SH3GL2: variants seen among roughly 807,000 people sequenced by gnomAD.
SH3GL2 encodes endophilin-A1.
A neutral mutation model predicts 46.0 loss-of-function variants in SH3GL2; 24 were observed. That is an observed-to-expected ratio of 0.52 (90% CI 0.38 to 0.73). The LOEUF (loss-of-function observed/expected upper bound fraction) is 0.73, where lower values mean the gene tolerates loss of function less well. Ranked by LOEUF, SH3GL2 falls within the 30% of genes least tolerant of loss-of-function variation. The pLI is 0.00. For missense variants in SH3GL2, 413 were observed against 424.2 expected, an observed-to-expected ratio of 0.97 and a Z score of 0.23; for synonymous variants, 196 against 147.1, an observed-to-expected ratio of 1.33 and a Z score of -2.40.
chr9:17,709,100 G>A (rs887748340), intron 1 of SH3GL2, among the ~76,000 whole-genome samples: 9 of 151,924 alleles, frequency 5.9e-5, no homozygotes, highest in East Asian at 3.9e-4. Flanking sequence ...TTCTAATGTG[G>A]GTAAAATGTT....
Position 17,796,436 on chromosome 9 carries a change from G to A in SH3GL2, c.*693G>A, listed in dbSNP as rs772178266. The A allele has an allele frequency of 1.3e-5, 2 of 152,102 alleles. No homozygotes were observed. Among genetic ancestry groups the A allele is most frequent in the Non-Finnish European group, 2.9e-5 (2 of 68,022 alleles). 9.4% of individuals were successfully genotyped at this position (152,102 alleles called of 1,614,324 possible). A position where few individuals can be genotyped will look rare whatever the true frequency, so the allele number is the denominator to read the frequency against. Reference sequence around the variant, plus strand: ...CAGTTAATCAGCATTATTGTGAGAGGGACTGAAAAGAAATTCTCCATTATG... The same window carrying A: ...CAGTTAATCAGCATTATTGTGAGAGAGACTGAAAAGAAATTCTCCATTATG... On this transcript the variant is annotated 3_prime_UTR_variant, in exon 9 of 9. Transcript: ENST00000380607.
At chr9:17,585,392 T>A (rs922879595) in intron 1 of SH3GL2, among the ~76,000 whole-genome samples, 6 of 152,132 alleles carry the variant, frequency 3.9e-5, no homozygotes, top group African/African-American at 1.4e-4. Flanking sequence ...TTGGCCTCCT[T>A]TTTTCTCTTT....
At chr9:17,721,859 T>A (rs1234434355) in intron 1 of SH3GL2, among the ~76,000 whole-genome samples, 1 of 152,082 alleles carries the variant, frequency 6.6e-6, no homozygotes, top group Admixed American at 6.6e-5. Context: ...TCCTATTGGT[T>A]CTGTTTCTCT....
intron 1 of SH3GL2, chr9:17,630,232 A>T (rs1348162942): frequency 6.6e-6 from 1 of 152,218 alleles, no homozygotes; most frequent in East Asian, 1.9e-4. Flanking sequence ...TACCTTTACC[A>T]GTCTTTTTGT....
intron 1 of SH3GL2, among the ~76,000 whole-genome samples, chr9:17,610,641 A>T (rs1179073999): frequency 1.3e-5 from 2 of 152,078 alleles, no homozygotes; most frequent in Admixed American, 6.6e-5. Context: ...ATAGTGTTGA[A>T]TTTTTTTCAT....
chr9:17,766,951 T>A (rs1479930158), intron 3 of SH3GL2, among the ~76,000 whole-genome samples: 5 of 152,328 alleles, frequency 3.3e-5, no homozygotes, highest in Non-Finnish European at 7.3e-5. Context: ...TTAAAAAAAA[T>A]TCTGAAAGTC....
At chr9:17,632,785 G>A (rs975907951) in intron 1 of SH3GL2, among the ~76,000 whole-genome samples, 4 of 152,280 alleles carry the variant, frequency 2.6e-5, no homozygotes, top group South Asian at 4.1e-4. Flanking sequence ...CGAAGATTTT[G>A]TGCTCTCAAT....
chr9:17,770,560 T>A (rs1588319844), intron 3 of SH3GL2, among the ~76,000 whole-genome samples: 1 of 152,130 alleles, frequency 6.6e-6, no homozygotes, highest in Non-Finnish European at 1.5e-5. Context: ...ATGGCAAAGG[T>A]AATGGAATCA....
intron 1 of SH3GL2, among the ~76,000 whole-genome samples, chr9:17,588,696 C>G (rs999273041): frequency 2.0e-5 from 3 of 152,214 alleles, no homozygotes; most frequent in African/African-American, 4.8e-5. Context: ...GTCTAGCCAA[C>G]GCCTTCATTT....
chr9:17,620,418 AT>A (rs1293131206), intron 1 of SH3GL2, among the ~76,000 whole-genome samples: 12 of 152,184 alleles, frequency 7.9e-5, no homozygotes, highest in African/African-American at 2.7e-4. Flanking sequence ...ATGTTACTTA[AT>A]TTATTACTCC....
intron 1 of SH3GL2, among the ~76,000 whole-genome samples, chr9:17,635,197 T>C (rs1331776070): frequency 6.6e-6 from 1 of 152,110 alleles, no homozygotes; most frequent in Non-Finnish European, 1.5e-5. Flanking sequence ...TCCATGTGTT[T>C]TCATCATTTA....
At chr9:17,730,675 T>C (rs2118412358) in intron 1 of SH3GL2, among the ~76,000 whole-genome samples, 1 of 152,248 alleles carries the variant, frequency 6.6e-6, no homozygotes, top group East Asian at 1.9e-4. Flanking sequence ...TGAAGGAGTG[T>C]TGAATTTTAC....
intron 3 of SH3GL2, among the ~76,000 whole-genome samples, chr9:17,763,161 C>G (rs1225854241): frequency 6.6e-6 from 1 of 152,074 alleles, no homozygotes; most frequent in Non-Finnish European, 1.5e-5. Context: ...TGAAGAATTT[C>G]TAGTATGAAA....
At chr9:17,736,606 A>G (rs1203654064) in intron 1 of SH3GL2, among the ~76,000 whole-genome samples, 1 of 152,178 alleles carries the variant, frequency 6.6e-6, no homozygotes, top group Non-Finnish European at 1.5e-5. Flanking sequence ...CTTCACTGCC[A>G]CATTTGGTGA....
At chr9:17,624,829 C>T (rs1377444024) in intron 1 of SH3GL2, among the ~76,000 whole-genome samples, 1 of 152,186 alleles carries the variant, frequency 6.6e-6, no homozygotes, top group Non-Finnish European at 1.5e-5. Context: ...CTGTGTTTTC[C>T]ATTTGCTTCT....
chr9:17,771,412 AC>A (rs372207819), intron 3 of SH3GL2, among the ~76,000 whole-genome samples: 6 of 152,128 alleles, frequency 3.9e-5, no homozygotes, highest in African/African-American at 1.4e-4. Context: ...CTGCAGCTCA[AC>A]CTAGGGCATC....
intron 1 of SH3GL2, among the ~76,000 whole-genome samples, chr9:17,690,276 A>T (rs1272684194): frequency 6.6e-6 from 1 of 152,122 alleles, no homozygotes; most frequent in Non-Finnish European, 1.5e-5. Context: ...CTTTTACTGC[A>T]TTCAGCATTC....
At chr9:17,702,302 A>G (rs1821359372) in intron 1 of SH3GL2, among the ~76,000 whole-genome samples, 1 of 152,132 alleles carries the variant, frequency 6.6e-6, no homozygotes, top group Admixed American at 6.6e-5. Flanking sequence ...AATCATAAAA[A>G]TCACTTGAAG....
chr9:17,616,833 C>T (rs1819013330), intron 1 of SH3GL2, among the ~76,000 whole-genome samples: 1 of 151,886 alleles, frequency 6.6e-6, no homozygotes, highest in African/African-American at 2.4e-5. Context: ...TTAGTTTATG[C>T]ACTTATTTGT....
Sources: gnomAD v4.1 joint callset for allele counts (sites outside exome capture counted in the v4.1 genomes callset) on GRCh38, gnomAD v4.1.1 for gene constraint, MANE v1.5 for transcripts, NCBI Gene and HGNC (gene_info 2026-07-23, HGNC 2026-07-21) for gene names.